Variants in TNPO1 observed in about 807,000 individuals in gnomAD.
TNPO1 encodes the protein transportin 1, also known as transportin-1.
In TNPO1, 8 loss-of-function variants were observed where a neutral mutation model predicts 119.5. That is an observed-to-expected ratio of 0.07 (90% CI 0.04 to 0.12). The LOEUF is 0.12. TNPO1 is among the 10% of genes least tolerant of loss of function. The pLI is 1.00. For synonymous variants in TNPO1, 362 were observed against 363.0 expected (o/e 1.00, Z 0.03); for missense variants, 576 against 1,089.8 (o/e 0.53, Z 6.64).
In TNPO1 at chr5:72,883,188, A is replaced by T; in HGVS notation, c.1106A>T (p.Asp369Val). ...GGAATTGAAGAGGAAGATGATGATG[A>T]TGATGAAATTGATGATGATGATACA... ...EDGIEEEDDD[D>V]DEIDDDDTIS... is the part of the protein sequence containing the mutation. Residue 369 changes from aspartate (D) to valine (V), a missense_variant, in exon 11 of 25, where the codon GAT (aspartate) becomes GTT (valine). Physicochemically the swap from Asp to Val is radical, Grantham distance 152. Transcript: ENST00000337273. 2.5e-6 allele frequency: 4 copies of T among 1,588,014 alleles called. No homozygotes were observed. Among genetic ancestry groups the T allele is most frequent in the Non-Finnish European group, 2.6e-6 (3 of 1,156,152 alleles).
At chr5:72,832,954 C>G (rs968608815) in intron 1 of TNPO1, among the ~76,000 whole-genome samples, 2 of 152,160 alleles carry the variant, frequency 1.3e-5, no homozygotes, top group Admixed American at 6.5e-5. Flanking sequence ...TGCATGTCAG[C>G]TCTCAGATTT....
intron 6 of TNPO1, among the ~76,000 whole-genome samples, chr5:72,870,726 C>G (rs1395968703): frequency 6.6e-6 from 1 of 152,062 alleles, no homozygotes. Context: ...TTTGGGGAGG[C>G]TAGTAGTAGG....
At chr5:72,878,479 C>T (rs1216703127) in intron 9 of TNPO1, 37 of 151,588 alleles carry the variant, frequency 2.4e-4, no homozygotes, top group Middle Eastern at 1.6e-3. Context: ...TTTAATATGT[C>T]TTCATAGTAA....
intron 6 of TNPO1, among the ~76,000 whole-genome samples, chr5:72,872,264 C>T (rs1208307925): frequency 6.6e-6 from 1 of 152,134 alleles, no homozygotes; most frequent in Non-Finnish European, 1.5e-5. Flanking sequence ...TGCCAGAACA[C>T]ATGGACTATT....
At chr5:72,834,599 C>T (rs1044492442) in intron 1 of TNPO1, among the ~76,000 whole-genome samples, 1 of 152,170 alleles carries the variant, frequency 6.6e-6, no homozygotes, top group African/African-American at 2.4e-5. Flanking sequence ...TATAGCTGTA[C>T]AGTGTGTTTG....
intron 1 of TNPO1, among the ~76,000 whole-genome samples, chr5:72,824,751 C>T (rs531746539): frequency 2.0e-5 from 3 of 152,252 alleles, no homozygotes; most frequent in African/African-American, 7.2e-5. Context: ...AGTCTCATGG[C>T]TTGAAATACC....
At chr5:72,817,001 T>C (rs1743722761) in intron 1 of TNPO1, 1 of 481,078 alleles carries the variant, frequency 2.1e-6, no homozygotes, top group Non-Finnish European at 3.7e-6. Flanking sequence ...AGGATCCCGT[T>C]AGGGGCGGCA....
At chr5:72,824,060 A>G (rs1293501721) in intron 1 of TNPO1, among the ~76,000 whole-genome samples, 1 of 152,166 alleles carries the variant, frequency 6.6e-6, no homozygotes, top group East Asian at 1.9e-4. Context: ...TATTTATGAA[A>G]GGGTCTGCGC....
chr5:72,845,093 C>A (rs199956803), intron 1 of TNPO1, among the ~76,000 whole-genome samples: 1 of 130,956 alleles, frequency 7.6e-6, no homozygotes, highest in Non-Finnish European at 1.7e-5. Context: ...TTTTTGGTCA[C>A]CATTGAATGT....
At position 72,888,002 on chromosome 5, in the gene TNPO1, C is replaced by T. The variant is rs138612351; in HGVS notation, c.1304-76C>T. The T allele has an allele frequency of 7.2e-4, 954 of 1,330,804 alleles. 18 individuals are homozygous for T. The East Asian group carries it at 0.02, about 28-fold the overall frequency. 82.4% of individuals were successfully genotyped at this position (1,330,804 alleles called of 1,614,324 possible). On this transcript the variant is annotated intron_variant, in intron 12 of 24. Transcript: ENST00000337273. ...AATATTCTGAATTTTTTCATAGATACGTGTTTTATTTTCATAATCAACCAA... is the reference window on the plus strand; with the variant it reads ...AATATTCTGAATTTTTTCATAGATATGTGTTTTATTTTCATAATCAACCAA...
chr5:72,911,951 G>A lies in TNPO1; in HGVS notation c.*3278G>A, dbSNP rs1489677060. The A allele has an allele frequency of 1.3e-5, 2 of 152,440 alleles. No homozygotes were observed. The highest frequency in any genetic ancestry group is 2.1e-4 in the South Asian group (1 of 4,834). 9.4% of individuals were successfully genotyped at this position (152,440 alleles called of 1,614,324 possible). A position where few individuals can be genotyped will look rare whatever the true frequency, so the allele number is the denominator to read the frequency against. ...TGTAATTAATATAACTTAAATGCAT[G>A]TTTGGCAGTTCCATGTTACAGTCCA... On this transcript the variant is annotated 3_prime_UTR_variant, in exon 25 of 25. Coordinates refer to ENST00000337273, the MANE Select transcript of TNPO1 (RefSeq NM_002270.4).
intron 15 of TNPO1, among the ~76,000 whole-genome samples, chr5:72,892,520 A>G (rs1208199846): frequency 6.6e-6 from 1 of 152,126 alleles, no homozygotes; most frequent in Non-Finnish European, 1.5e-5. Context: ...CAAAACAAGA[A>G]GAATCATTAT....
At chr5:72,889,741 A>G (rs564057271) in intron 13 of TNPO1, 45 bp from the exon 14 acceptor site, 70 of 1,531,124 alleles carry the variant, frequency 4.6e-5, no homozygotes, top group Middle Eastern at 3.5e-4. Flanking sequence ...AGAGTTAGAT[A>G]TATCTTACAG....
intron 14 of TNPO1, 57 bp downstream of exon 14, chr5:72,890,014 T>C: frequency 1.3e-6 from 2 of 1,551,762 alleles, no homozygotes; most frequent in Non-Finnish European, 1.8e-6. Flanking sequence ...TTACAATTAA[T>C]AGATTAGCAT....
At chr5:72,903,010 T>TCC (rs1203896924) in intron 22 of TNPO1, among the ~76,000 whole-genome samples, 1 of 152,168 alleles carries the variant, frequency 6.6e-6, no homozygotes, top group Non-Finnish European at 1.5e-5. Context: ...ATCAGCAATA[T>TCC]GTTGAATGCT....
chr5:72,899,676 C>T (rs962060828), intron 20 of TNPO1, among the ~76,000 whole-genome samples: 4 of 152,090 alleles, frequency 2.6e-5, no homozygotes, highest in Non-Finnish European at 5.9e-5. Context: ...TTTAACTGCT[C>T]ATCTTATTAA....
At chr5:72,877,370 C>G in intron 9 of TNPO1, 24 bp downstream of exon 9, 1 of 1,131,314 alleles carries the variant, frequency 8.8e-7, no homozygotes, top group Non-Finnish European at 1.3e-6. Flanking sequence ...CTTATAAATG[C>G]TGCCTTGTTC....
chr5:72,897,025 T>C (rs1561356792), intron 19 of TNPO1, 31 bp from the exon 20 acceptor site: 4 of 1,480,770 alleles, frequency 2.7e-6, no homozygotes, highest in Non-Finnish European at 3.6e-6. Context: ...TTTTTTCTTT[T>C]TTGTTTTTTT....
chr5:72,844,246 T>C (rs1465289771), intron 1 of TNPO1, among the ~76,000 whole-genome samples: 2 of 152,230 alleles, frequency 1.3e-5, no homozygotes, highest in African/African-American at 4.8e-5. Flanking sequence ...CACTTAAGTC[T>C]TGTGAGGAGA....
Sources: gnomAD v4.1 joint callset for allele counts (sites outside exome capture counted in the v4.1 genomes callset) on GRCh38, gnomAD v4.1.1 for gene constraint, MANE v1.5 for transcripts, NCBI Gene and HGNC (gene_info 2026-07-23, HGNC 2026-07-21) for gene names.